Variants in ARHGAP20 observed in about 807,000 individuals in gnomAD.
The protein encoded by ARHGAP20 is rho GTPase-activating protein 20.
A neutral mutation model predicts 73.7 loss-of-function variants in ARHGAP20; 34 were observed. That is an observed-to-expected ratio of 0.46 (90% CI 0.35 to 0.61). The LOEUF (loss-of-function observed/expected upper bound fraction) is 0.61, where lower values mean the gene tolerates loss of function less well. ARHGAP20 is among the 20% of genes least tolerant of loss of function. The pLI, the probability that ARHGAP20 is intolerant of heterozygous loss-of-function variation, is 0.00. For synonymous variants in ARHGAP20, 523 were observed against 518.2 expected (o/e 1.01, Z -0.13); for missense variants, 1,314 against 1,420.9 (o/e 0.92, Z 1.21).
intron 11 of ARHGAP20, among the ~76,000 whole-genome samples, chr11:110,588,097 A>G (rs923734861): frequency 1.3e-5 from 2 of 152,316 alleles, no homozygotes. Context: ...CCTACACTTG[A>G]AAGATAATAA....
chr11:110,711,916 G>C lies in ARHGAP20; in HGVS notation c.105+211C>G, dbSNP rs373396542. The C allele has an allele frequency of 8.4e-4, 1,051 of 1,257,874 alleles. 18 individuals are homozygous for C. In the East Asian group the frequency reaches 0.031, roughly 37 times the overall value. 77.9% of individuals were successfully genotyped at this position (1,257,874 alleles called of 1,614,324 possible). On this transcript the variant is annotated intron_variant, in intron 1 of 14. Transcript: ENST00000683387. ...GAGGAGAGACTAAGGCTCTAGAAAC[G>C]GAGAAGCGGGCGCTCTGCGGGAGGC...
chr11:110,648,209 A>AC (rs1565457429), intron 2 of ARHGAP20, among the ~76,000 whole-genome samples: 53 of 69,032 alleles, frequency 7.7e-4, no homozygotes, highest in African/African-American at 4.7e-3. Flanking sequence ...ATATATATGT[A>AC]AATATATATA....
chr11:110,624,138 T>C lies in ARHGAP20; in HGVS notation c.503+24A>G, dbSNP rs545808424. On this transcript the variant is annotated intron_variant, in intron 4 of 14. Transcript: ENST00000683387. ...TATCATAGTAGCTAACCCAGGTAAA[T>C]AGAGGACAAGCTGTGGTTCTTACCT... 307 of 1,601,828 alleles carry C rather than the reference T, an allele frequency of 1.9e-4. 4 individuals carry two copies. In the South Asian group the frequency reaches 3.1e-3, roughly 16 times the overall value.
At chr11:110,589,597 C>T (rs544421026) in intron 11 of ARHGAP20, 1 of 985,430 alleles carries the variant, frequency 1.0e-6, no homozygotes, top group East Asian at 1.1e-4. Context: ...GAAGATACTG[C>T]TAAGGTCAAA....
intron 2 of ARHGAP20, among the ~76,000 whole-genome samples, chr11:110,647,083 G>T: frequency 6.6e-6 from 1 of 152,042 alleles, no homozygotes. Flanking sequence ...TAGCTGTGGG[G>T]GTTTTAGTAA....
intron 2 of ARHGAP20, among the ~76,000 whole-genome samples, chr11:110,646,558 GA>G (rs549524719): frequency 6.6e-6 from 1 of 151,874 alleles, no homozygotes; most frequent in Non-Finnish European, 1.5e-5. Flanking sequence ...AACCTTCTCA[GA>G]AATAAAAAAA....
chr11:110,598,947 C>A (rs1948041976), intron 9 of ARHGAP20, among the ~76,000 whole-genome samples: 2 of 152,054 alleles, frequency 1.3e-5, no homozygotes, highest in African/African-American at 4.8e-5. Flanking sequence ...GCCTGAGCTT[C>A]CTGCTCCACA....
rs369195920 is a variant in ARHGAP20, at chr11:110,611,602, T to C, written c.631-216A>G. 3.5e-4 allele frequency among the ~76,000 whole-genome samples: 54 copies of C among 152,328 alleles called. 3 individuals carry two copies. In the South Asian group the frequency reaches 8.3e-3, roughly 23 times the overall value. ...CTAATAAAACATTTCTCTTAAAGGA[T>C]GCATGGCTTAAAGAATATAAAAGCT... is the stretch of plus-strand genomic sequence containing the variant. On this transcript the variant is annotated intron_variant, in intron 6 of 14. Transcript: ENST00000683387.
At chr11:110,590,839 A>G in intron 10 of ARHGAP20, 30 bp from the exon 11 acceptor site, 1 of 1,599,304 alleles carries the variant, frequency 6.3e-7, no homozygotes, top group Non-Finnish European at 8.5e-7. Context: ...AATAAACAAA[A>G]TGACACTTCC....
rs1333905857 is a variant in ARHGAP20 at position 110,586,298 on chromosome 11, T to C, written c.1333A>G (p.Ile445Val). ...TGATCATAGAGATCTGATGAAAAAATACTTCCTGGAATATTTCGCAGAAAA... is the reference window on the plus strand; with the variant it reads ...TGATCATAGAGATCTGATGAAAAAACACTTCCTGGAATATTTCGCAGAAAA... ...KDFLRNIPGSIFSSDLYDHWV... is the reference protein window; with the variant it reads ...KDFLRNIPGSVFSSDLYDHWV... Residue 445 changes from isoleucine to valine, a missense_variant, in exon 12 of 15, where the codon ATT (isoleucine) becomes GTT (valine). By Grantham distance (29) the Ile-to-Val change is conservative. Transcript: ENST00000683387. The C allele has an allele frequency of 1.3e-6, 2 of 1,578,874 alleles. No homozygotes were observed. Among genetic ancestry groups the C allele is most frequent in the East Asian group, 2.3e-5 (1 of 43,778 alleles).
chr11:110,590,395 GAAGTA>G (rs1362342648), intron 11 of ARHGAP20, among the ~76,000 whole-genome samples: 1 of 152,176 alleles, frequency 6.6e-6, no homozygotes, highest in Non-Finnish European at 1.5e-5. Context: ...TGGAGTGGCA[GAAGTA>G]AAGATGAGAT....
intron 14 of ARHGAP20, 87 bp downstream of exon 14, chr11:110,582,234 G>A: frequency 9.1e-7 from 1 of 1,092,990 alleles, no homozygotes; most frequent in Non-Finnish European, 1.4e-6. Flanking sequence ...CAGCTGCTGT[G>A]GGCTCCAGGA....
intron 2 of ARHGAP20, among the ~76,000 whole-genome samples, chr11:110,648,096 C>T (rs1427628208): frequency 6.7e-6 from 1 of 148,394 alleles, no homozygotes; most frequent in Admixed American, 6.8e-5. Context: ...TTGTTTCAAC[C>T]TTTGGGACCG....
At chr11:110,592,262 G>T in intron 9 of ARHGAP20, 107 bp from the exon 10 acceptor site, 1 of 993,106 alleles carries the variant, frequency 1.0e-6, no homozygotes, top group Non-Finnish European at 1.4e-6. Context: ...AAGAGAAAAA[G>T]ATGCTAATAG....
At chr11:110,581,943 A>C (rs906935603) in intron 14 of ARHGAP20, among the ~76,000 whole-genome samples, 25 of 152,088 alleles carry the variant, frequency 1.6e-4, no homozygotes, top group Non-Finnish European at 3.5e-4. Context: ...AAAAAAAAAA[A>C]AAAAACATTC....
intron 1 of ARHGAP20, among the ~76,000 whole-genome samples, chr11:110,703,002 A>G (rs1028906546): frequency 1.3e-5 from 2 of 152,176 alleles, no homozygotes; most frequent in Non-Finnish European, 2.9e-5. Context: ...CAAGCTACCA[A>G]TGACTTTCTT....
intron 9 of ARHGAP20, among the ~76,000 whole-genome samples, chr11:110,593,690 G>GA (rs902722576): frequency 6.6e-6 from 1 of 152,202 alleles, no homozygotes; most frequent in Admixed American, 6.5e-5. Context: ...AGTGAGGGGG[G>GA]ATCCCAGAAA....
Position 110,584,959 on chromosome 11 carries a change from ATG to A in ARHGAP20, c.1416-1224_1416-1223del, listed in dbSNP as rs1473923700. On this transcript the variant is annotated intron_variant, in intron 12 of 14. Coordinates refer to ENST00000683387, the MANE Select transcript of ARHGAP20 (RefSeq NM_001384657.1). ...TATGTGTATATGAATATATGAATAT[ATG>A]TGAATATATGAATATATATGTGAAA... is the stretch of plus-strand genomic sequence containing the variant. Among the ~76,000 whole-genome samples the A allele has an allele frequency of 3.4e-3, 242 of 71,030 alleles. 1 individual carries two copies. Among genetic ancestry groups the A allele is most frequent in the African/African-American group, 7.4e-3 (208 of 27,960 alleles). 46.6% of individuals were successfully genotyped at this position (71,030 alleles called of 152,430 possible).
At chr11:110,624,052 TC>T in intron 4 of ARHGAP20, 109 bp downstream of exon 4, 1 of 1,369,348 alleles carries the variant, frequency 7.3e-7, no homozygotes. Flanking sequence ...ATAAAATATT[TC>T]CCTCTTAAAA....
Sources: gnomAD v4.1 joint callset for allele counts (sites outside exome capture counted in the v4.1 genomes callset) on GRCh38, gnomAD v4.1.1 for gene constraint, MANE v1.5 for transcripts, NCBI Gene and HGNC (gene_info 2026-07-23, HGNC 2026-07-21) for gene names.